Variants in GPC6 observed in about 807,000 individuals in gnomAD.
GPC6 encodes the protein glypican 6.
GPC6 carries 14 observed loss-of-function variants against 55.2 expected under a neutral mutation model. The ratio of observed to expected loss-of-function variants is 0.25; its 90% CI spans 0.17 to 0.40. The LOEUF is 0.40. GPC6 is among the 10% of genes least tolerant of loss of function. The probability of loss-of-function intolerance (pLI) is 1.00; values close to 1 mark genes in which losing one functional copy is unlikely to be tolerated. For missense variants in GPC6, 641 were observed against 708.5 expected, an observed-to-expected ratio of 0.90 and a Z score of 1.08; for synonymous variants, 278 against 259.6, an observed-to-expected ratio of 1.07 and a Z score of -0.68.
chr13:93,761,315 A>G (rs1884947011), intron 2 of GPC6, among the ~76,000 whole-genome samples: 1 of 152,182 alleles, frequency 6.6e-6, no homozygotes, highest in Non-Finnish European at 1.5e-5. Flanking sequence ...TATGTAGTAT[A>G]TGAGCAAAGA....
chr13:93,811,548 G>T (rs182858946), intron 2 of GPC6, among the ~76,000 whole-genome samples: 1 of 151,850 alleles, frequency 6.6e-6, no homozygotes, highest in African/African-American at 2.4e-5. Context: ...GACAAGGCTT[G>T]GCTTACGTAG....
At chr13:93,923,558 A>G (rs542660272) in intron 3 of GPC6, among the ~76,000 whole-genome samples, 69 of 152,136 alleles carry the variant, frequency 4.5e-4, no homozygotes, top group Admixed American at 7.9e-4. Context: ...CACTTTCCCC[A>G]GTCTTAGCAG....
At chr13:93,300,572 C>T (rs1030072515) in intron 1 of GPC6, among the ~76,000 whole-genome samples, 5 of 147,448 alleles carry the variant, frequency 3.4e-5, no homozygotes, top group African/African-American at 7.6e-5. Flanking sequence ...GGTGTGAACC[C>T]GGGAGGCGGA....
At chr13:94,391,112 A>G (rs1271649391) in intron 7 of GPC6, among the ~76,000 whole-genome samples, 1 of 152,164 alleles carries the variant, frequency 6.6e-6, no homozygotes, top group Non-Finnish European at 1.5e-5. Flanking sequence ...GCTGCAATCA[A>G]TGAGCTATGT....
rs1350824288 is a variant in GPC6, at chr13:93,231,356, TATAC to T, written c.160+3741_160+3744del. ...GTATATATATATATACATATATATA[TATAC>T]GTATATATATATATATATACATATA... On this transcript the variant is annotated intron_variant, in intron 1 of 8. Coordinates refer to ENST00000377047, the MANE Select transcript of GPC6 (RefSeq NM_005708.5). Among the ~76,000 whole-genome samples the T allele has an allele frequency of 5.6e-3, 157 of 27,924 alleles. 1 individual carries two copies. The highest frequency in any genetic ancestry group is 0.028 in the African/African-American group (149 of 5,288). 18.3% of individuals were successfully genotyped at this position (27,924 alleles called of 152,430 possible).
At chr13:93,217,488 T>C in the GPC6 span, among the ~76,000 whole-genome samples, 1 of 152,234 alleles carries the variant, frequency 6.6e-6, no homozygotes, top group African/African-American at 2.4e-5. Context: ...GGTTTCTTAC[T>C]GTATTCAAAT....
At chr13:94,320,214 G>A (rs930167240) in intron 6 of GPC6, among the ~76,000 whole-genome samples, 1 of 152,088 alleles carries the variant, frequency 6.6e-6, no homozygotes, top group Non-Finnish European at 1.5e-5. Flanking sequence ...TATTTTTCTA[G>A]TACTTAATGA....
At chr13:94,024,839 G>T (rs1482533943) in intron 3 of GPC6, among the ~76,000 whole-genome samples, 1 of 152,140 alleles carries the variant, frequency 6.6e-6, no homozygotes, top group Non-Finnish European at 1.5e-5. Context: ...ATGCTAAGAT[G>T]TATAAAATCA....
At chr13:93,592,744 T>C (rs1877551256) in intron 2 of GPC6, among the ~76,000 whole-genome samples, 1 of 152,028 alleles carries the variant, frequency 6.6e-6, no homozygotes, top group Non-Finnish European at 1.5e-5. Flanking sequence ...GGACCAGAAA[T>C]TCATATTTAG....
intron 6 of GPC6, among the ~76,000 whole-genome samples, chr13:94,366,218 A>AT: frequency 6.6e-6 from 1 of 152,282 alleles, no homozygotes; most frequent in Middle Eastern, 3.4e-3. Flanking sequence ...AAGAATCTGA[A>AT]TTTTTCAGCA....
chr13:94,119,996 A>G (rs1283519074), intron 4 of GPC6, among the ~76,000 whole-genome samples: 19 of 152,112 alleles, frequency 1.2e-4, no homozygotes, highest in Admixed American at 1.2e-3. Flanking sequence ...CATAGATGAT[A>G]TAGTAAAGCG....
chr13:93,828,699 A>G (rs1887366075), intron 2 of GPC6, among the ~76,000 whole-genome samples: 1 of 152,192 alleles, frequency 6.6e-6, no homozygotes, highest in South Asian at 2.1e-4. Context: ...CTGTAGCAAC[A>G]GAATGTCTAT....
intron 3 of GPC6, among the ~76,000 whole-genome samples, chr13:93,965,288 G>A (rs1879990737): frequency 6.6e-6 from 1 of 151,810 alleles, no homozygotes; most frequent in Non-Finnish European, 1.5e-5. Context: ...GCAGACGCCT[G>A]TAGTCCCAGC....
At chr13:93,434,001 C>T (rs1566354810) in intron 1 of GPC6, among the ~76,000 whole-genome samples, 1 of 152,138 alleles carries the variant, frequency 6.6e-6, no homozygotes, top group Non-Finnish European at 1.5e-5. Context: ...CTCAGTTTCT[C>T]CATCTATAAA....
intron 4 of GPC6, among the ~76,000 whole-genome samples, chr13:94,159,600 G>A (rs9589919): frequency 0.019 from 2,881 of 152,198 alleles, 103 homozygotes; most frequent in African/African-American, 0.066. Flanking sequence ...GGGAATCATG[G>A]AAGCTACAAT....
At chr13:93,846,538 C>A (rs1473434682) in intron 3 of GPC6, among the ~76,000 whole-genome samples, 2 of 152,148 alleles carry the variant, frequency 1.3e-5, no homozygotes, top group Non-Finnish European at 2.9e-5. Flanking sequence ...TCAGGCTGGG[C>A]ACGGTGGCTC....
At chr13:94,274,686 CAAACT>C (rs1566622727) in intron 4 of GPC6, among the ~76,000 whole-genome samples, 3 of 151,546 alleles carry the variant, frequency 2.0e-5, no homozygotes, top group Non-Finnish European at 2.9e-5. Context: ...AAGTTAATGA[CAAACT>C]TAGAGTCTTG....
chr13:93,713,761 T>C (rs755425203), intron 2 of GPC6, among the ~76,000 whole-genome samples: 3 of 151,694 alleles, frequency 2.0e-5, no homozygotes, highest in Non-Finnish European at 4.4e-5. Context: ...TTCATGTAAC[T>C]ACAGCAGTTT....
At chr13:93,261,388 C>T (rs1430384495) in intron 1 of GPC6, among the ~76,000 whole-genome samples, 1 of 152,088 alleles carries the variant, frequency 6.6e-6, no homozygotes, top group Non-Finnish European at 1.5e-5. Context: ...ATCTCTGGAA[C>T]TAGGAGCATT....
Sources: gnomAD v4.1 joint callset for allele counts (sites outside exome capture counted in the v4.1 genomes callset) on GRCh38, gnomAD v4.1.1 for gene constraint, MANE v1.5 for transcripts, NCBI Gene and HGNC (gene_info 2026-07-23, HGNC 2026-07-21) for gene names.